The following GPR141 variants were observed in gnomAD, a reference collection of about 807,000 sequenced individuals.
GPR141 encodes the protein G protein-coupled receptor 141.
GPR141 carries 6 observed loss-of-function variants against 6.8 expected under a neutral mutation model. That is an observed-to-expected ratio of 0.88 (90% CI 0.48 to 1.74). The LOEUF is 1.74. GPR141 is among the 40% of genes most tolerant of loss of function. GPR141 has a pLI of 0.01. For missense variants in GPR141, 372 were observed against 372.9 expected (o/e 1.00, Z 0.02); for synonymous variants, 140 against 142.3 (o/e 0.98, Z 0.11).
chr7:37,691,246 CTT>C (rs375372143), intron 2 of GPR141, among the ~76,000 whole-genome samples: 7,138 of 97,872 alleles, frequency 0.073, 551 homozygotes, highest in African/African-American at 0.2. Flanking sequence ...TAGTTGGGTC[CTT>C]TTTTTTTTTT....
intron 2 of GPR141, among the ~76,000 whole-genome samples, chr7:37,716,319 G>A (rs1290140414): frequency 6.6e-6 from 1 of 152,162 alleles, no homozygotes; most frequent in Admixed American, 6.5e-5. Context: ...TGACATAAAA[G>A]TGGCAACTAC....
At chr7:37,731,972 G>GT (rs1473934564) in intron 2 of GPR141, among the ~76,000 whole-genome samples, 1 of 152,048 alleles carries the variant, frequency 6.6e-6, no homozygotes, top group African/African-American at 2.4e-5. Context: ...CAATAAGGGA[G>GT]TAAGTGCCTT....
Position 37,743,564 on chromosome 7 carries a change from G to A in GPR141, c.*2253G>A, listed in dbSNP as rs1307564536. ...CCTATAAATATGTAAAAAAAATTTA[G>A]AAAAATATTTAAATTAAAAGTATTC... On this transcript the variant is annotated 3_prime_UTR_variant, in exon 3 of 3. Transcript: ENST00000334425. 2.0e-5 allele frequency among the ~76,000 whole-genome samples: 3 copies of A among 151,310 alleles called. No homozygotes were observed. Among genetic ancestry groups the A allele is most frequent in the Admixed American group, 2.0e-4 (3 of 15,166 alleles).
At chr7:37,713,019 C>G (rs924922671) in intron 2 of GPR141, among the ~76,000 whole-genome samples, 10 of 152,208 alleles carry the variant, frequency 6.6e-5, no homozygotes, top group African/African-American at 2.2e-4. Flanking sequence ...GGGGAATGTA[C>G]AGAAACACCA....
chr7:37,685,426 A>ATC (rs1419689619), intron 1 of GPR141, 34 bp from the exon 2 acceptor site: 1 of 80,462 alleles, frequency 1.2e-5, no homozygotes, highest in Admixed American at 1.4e-4. Context: ...CCCTCCCTCC[A>ATC]TCTCTCTCTC....
At chr7:37,705,942 C>T (rs1465740059) in intron 2 of GPR141, among the ~76,000 whole-genome samples, 1 of 152,088 alleles carries the variant, frequency 6.6e-6, no homozygotes, top group Non-Finnish European at 1.5e-5. Context: ...CAGCACTGAA[C>T]GGGCTGAGAG....
chr7:37,691,283 ATATCCTTTTT>A (rs1809749765), intron 2 of GPR141, among the ~76,000 whole-genome samples: 1 of 49,712 alleles, frequency 2.0e-5, no homozygotes, highest in Non-Finnish European at 4.1e-5. Context: ...TACCCAGTCT[ATATCCTTTTT>A]TTTTTTTTTT....
At chr7:37,719,166 C>T (rs928774995) in intron 2 of GPR141, among the ~76,000 whole-genome samples, 3 of 152,124 alleles carry the variant, frequency 2.0e-5, no homozygotes, top group Non-Finnish European at 4.4e-5. Context: ...AAAGGTTGGA[C>T]CCGGAAACAA....
At chr7:37,695,269 A>G (rs1809962508) in intron 2 of GPR141, among the ~76,000 whole-genome samples, 1 of 152,130 alleles carries the variant, frequency 6.6e-6, no homozygotes, top group African/African-American at 2.4e-5. Context: ...CCATAGCTCC[A>G]TGCCCCTGGA....
intron 2 of GPR141, among the ~76,000 whole-genome samples, chr7:37,700,567 T>TA (rs2131754202): frequency 6.6e-6 from 1 of 152,342 alleles, no homozygotes; most frequent in South Asian, 2.1e-4. Context: ...AATTTTCAAC[T>TA]AGAATCTCCT....
At chr7:37,731,566 C>T (rs1811935925) in intron 2 of GPR141, among the ~76,000 whole-genome samples, 1 of 152,004 alleles carries the variant, frequency 6.6e-6, no homozygotes, top group African/African-American at 2.4e-5. Context: ...GCCTCAGCCT[C>T]CCGAGTAGCT....
chr7:37,725,626 A>G (rs1049725841), intron 2 of GPR141, among the ~76,000 whole-genome samples: 1 of 152,218 alleles, frequency 6.6e-6, no homozygotes, highest in Non-Finnish European at 1.5e-5. Context: ...ACTGAAATAT[A>G]ATTCACCAAC....
At position 37,731,786 on chromosome 7, in the gene GPR141, A is replaced by G. The variant is rs546390214; in HGVS notation, c.-14-8594A>G. On this transcript the variant is annotated intron_variant, in intron 2 of 2. Transcript: ENST00000334425. ...AATTTTTTTGTCCCATTAGGAAAAA[A>G]TTGTGCCCCAATCGCTTTCTGTCCT... Among the ~76,000 whole-genome samples the G allele has an allele frequency of 1.1e-4, 17 of 152,288 alleles. 2 individuals carry two copies. In the South Asian group the frequency reaches 3.5e-3, roughly 32 times the overall value.
intron 2 of GPR141, among the ~76,000 whole-genome samples, chr7:37,725,664 C>G (rs1811592417): frequency 6.6e-6 from 1 of 152,174 alleles, no homozygotes; most frequent in Non-Finnish European, 1.5e-5. Flanking sequence ...TTTCAAAGGA[C>G]AACTTTATGG....
Position 37,741,435 on chromosome 7 carries a change from A to C in GPR141, c.*124A>C. ...GCCTTGATGTACCCAAAACAAAAGG[A>C]CTATAAAATGCAAGAGCCCTCATTG... On this transcript the variant is annotated 3_prime_UTR_variant, in exon 3 of 3. Coordinates refer to ENST00000334425, the MANE Select transcript of GPR141 (RefSeq NM_001381946.1). The C allele has an allele frequency of 1.4e-6, 1 of 715,284 alleles. No homozygotes were observed. Among genetic ancestry groups the C allele is most frequent in the Non-Finnish European group, 2.3e-6 (1 of 440,278 alleles). 44.3% of individuals were successfully genotyped at this position (715,284 alleles called of 1,614,324 possible).
rs1373790952 is a variant in GPR141 at position 37,741,622 on chromosome 7, TCATTCTAAGTTCCTCTGTTTGAAG to T, written c.*315_*338del. 1.3e-5 allele frequency among the ~76,000 whole-genome samples: 2 copies of T among 152,212 alleles called. No homozygotes were observed. Among genetic ancestry groups the T allele is most frequent in the Non-Finnish European group, 2.9e-5 (2 of 68,042 alleles). ...TTAAGAGTTTTAGAGTTTCATTAGC[TCATTCTAAGTTCCTCTGTTTGAAG>T]CATGGTCTCTTAGGTTTTGGACTGA... On this transcript the variant is annotated 3_prime_UTR_variant, in exon 3 of 3. Transcript: ENST00000334425.
At chr7:37,721,714 T>C (rs1001425607) in intron 2 of GPR141, among the ~76,000 whole-genome samples, 2 of 152,296 alleles carry the variant, frequency 1.3e-5, no homozygotes, top group African/African-American at 2.4e-5. Flanking sequence ...AAGACAAAGG[T>C]TGACAATTTC....
intron 2 of GPR141, among the ~76,000 whole-genome samples, chr7:37,702,927 T>C (rs1354214967): frequency 6.6e-6 from 1 of 151,812 alleles, no homozygotes; most frequent in Non-Finnish European, 1.5e-5. Context: ...ATATTGTTGA[T>C]TCATATAAAA....
intron 2 of GPR141, among the ~76,000 whole-genome samples, chr7:37,700,723 TA>T (rs1187183844): frequency 2.0e-5 from 3 of 152,246 alleles, no homozygotes; most frequent in African/African-American, 7.2e-5. Context: ...ATACAATTTA[TA>T]CATTCATTTA....
Sources: allele counts gnomAD v4.1 joint callset (sites outside exome capture counted in the v4.1 genomes callset), GRCh38; gene constraint gnomAD v4.1.1; transcripts MANE v1.5; gene names NCBI Gene and HGNC (gene_info 2026-07-23, HGNC 2026-07-21).